Variants in SSH2 observed in about 807,000 individuals in gnomAD.
SSH2 encodes protein phosphatase Slingshot homolog 2.
SSH2 carries 37 observed loss-of-function variants against 135.2 expected under a neutral mutation model. That is an observed-to-expected ratio of 0.27 (90% CI 0.21 to 0.36). SSH2 has a LOEUF of 0.36. Among genes scored for constraint, SSH2 ranks in the 10% least tolerant of loss-of-function variants. The pLI is 1.00. For synonymous variants in SSH2, 628 were observed against 646.2 expected, an observed-to-expected ratio of 0.97 and a Z score of 0.43; for missense variants, 1,408 against 1,765.3, an observed-to-expected ratio of 0.80 and a Z score of 3.63.
chr17:29,763,029 ATATT>A (rs2041359754), intron 3 of SSH2, among the ~76,000 whole-genome samples: 1 of 152,216 alleles, frequency 6.6e-6, no homozygotes, highest in Non-Finnish European at 1.5e-5. Flanking sequence ...TTTTATATAA[ATATT>A]TATGCTCTTT....
intron 3 of SSH2, among the ~76,000 whole-genome samples, chr17:29,709,033 G>GAGAGAC (rs1555617843): frequency 6.9e-6 from 1 of 145,540 alleles, no homozygotes; most frequent in Non-Finnish European, 1.5e-5. Context: ...GAGAGAGAGA[G>GAGAGAC]AGAGAGAGAG....
chr17:29,663,522 T>G (rs1373234437), intron 11 of SSH2, among the ~76,000 whole-genome samples: 1 of 152,216 alleles, frequency 6.6e-6, no homozygotes, highest in East Asian at 1.9e-4. Flanking sequence ...TTTACTTTGT[T>G]AAGTAGGATT....
chr17:29,812,648 T>C (rs1735873508), intron 2 of SSH2, among the ~76,000 whole-genome samples: 1 of 152,206 alleles, frequency 6.6e-6, no homozygotes, highest in Admixed American at 6.5e-5. Context: ...CCCAGCACTT[T>C]GGGACACCGA....
intron 4 of SSH2, among the ~76,000 whole-genome samples, chr17:29,702,650 A>G (rs1444127867): frequency 1.3e-5 from 2 of 152,194 alleles, no homozygotes; most frequent in African/African-American, 4.8e-5. Context: ...GCGAAACTCC[A>G]TCTCAAAAAA....
intron 1 of SSH2, among the ~76,000 whole-genome samples, chr17:29,884,406 T>C (rs1173035582): frequency 6.6e-6 from 1 of 152,210 alleles, no homozygotes; most frequent in Non-Finnish European, 1.5e-5. Flanking sequence ...ACCCCTTACA[T>C]ATGGGGGCTT....
At chr17:29,820,585 C>G (rs1242414956) in intron 2 of SSH2, among the ~76,000 whole-genome samples, 1 of 152,178 alleles carries the variant, frequency 6.6e-6, no homozygotes, top group African/African-American at 2.4e-5. Context: ...TGACAGCATA[C>G]CCCATGTCTA....
chr17:29,675,273 T>C (rs930304603), intron 8 of SSH2, among the ~76,000 whole-genome samples: 5 of 152,138 alleles, frequency 3.3e-5, no homozygotes, highest in African/African-American at 7.2e-5. Context: ...CTCCATCCTA[T>C]CAATTCTGTT....
At chr17:29,642,493 T>C (rs2036204353) in intron 14 of SSH2, among the ~76,000 whole-genome samples, 1 of 151,952 alleles carries the variant, frequency 6.6e-6, no homozygotes, top group Non-Finnish European at 1.5e-5. Flanking sequence ...ACCTGCATGA[T>C]CAGAGTGCAG....
intron 13 of SSH2, among the ~76,000 whole-genome samples, chr17:29,648,675 G>A (rs2036474554): frequency 6.6e-6 from 1 of 152,242 alleles, no homozygotes; most frequent in Non-Finnish European, 1.5e-5. Flanking sequence ...CTAAAGGATA[G>A]GATTCAGTGG....
intron 1 of SSH2, chr17:29,928,696 C>A: frequency 2.5e-6 from 1 of 395,888 alleles, no homozygotes; most frequent in South Asian, 1.4e-4. Context: ...AAACCACAAC[C>A]ATACACAACA....
intron 3 of SSH2, among the ~76,000 whole-genome samples, chr17:29,767,739 T>C (rs2041481434): frequency 6.6e-6 from 1 of 152,116 alleles, no homozygotes; most frequent in African/African-American, 2.4e-5. Context: ...TCTCCCTCAT[T>C]CTTTTAAAGG....
At chr17:29,780,004 G>T (rs1440006685) in intron 3 of SSH2, among the ~76,000 whole-genome samples, 1 of 151,732 alleles carries the variant, frequency 6.6e-6, no homozygotes, top group Non-Finnish European at 1.5e-5. Context: ...ATCACCTGAG[G>T]TCAGTTGTTC....
chr17:29,848,299 G>A (rs371845357), intron 2 of SSH2, among the ~76,000 whole-genome samples: 1 of 152,166 alleles, frequency 6.6e-6, no homozygotes, highest in South Asian at 2.1e-4. Context: ...GATGGGATAA[G>A]TAAAATTTAT....
intron 1 of SSH2, 200 bp downstream of exon 1, chr17:29,929,738 G>A (rs978477906): frequency 1.3e-5 from 8 of 607,522 alleles, no homozygotes; most frequent in African/African-American, 1.3e-4. Context: ...AGGTGCTCAG[G>A]GTGATGGGGG....
At chr17:29,755,724 C>G (rs2041092782) in intron 3 of SSH2, among the ~76,000 whole-genome samples, 3 of 150,050 alleles carry the variant, frequency 2.0e-5, no homozygotes, top group Admixed American at 1.3e-4. Flanking sequence ...TGCAGTGGCA[C>G]GATTTCGGCT....
At chr17:29,807,832 C>CTTTTTT (rs58284055) in intron 2 of SSH2, among the ~76,000 whole-genome samples, 20 of 94,392 alleles carry the variant, frequency 2.1e-4, no homozygotes, top group African/African-American at 7.3e-4. Flanking sequence ...GTTTTGATGG[C>CTTTTTT]TTTTTTTTTT....
chr17:29,812,706 C>A (rs1274565281), intron 2 of SSH2, among the ~76,000 whole-genome samples: 1 of 152,076 alleles, frequency 6.6e-6, no homozygotes, highest in East Asian at 1.9e-4. Context: ...CTGGCTAACA[C>A]GGTGAAACCC....
At chr17:29,809,934 C>T (rs1015445067) in intron 2 of SSH2, among the ~76,000 whole-genome samples, 2 of 152,076 alleles carry the variant, frequency 1.3e-5, no homozygotes, top group Admixed American at 6.6e-5. Flanking sequence ...CTGGGTTCCA[C>T]GGTCTTTCCA....
intron 3 of SSH2, among the ~76,000 whole-genome samples, chr17:29,788,643 CCTCCCTCT>C (rs1599001002): frequency 1.3e-5 from 2 of 150,324 alleles, no homozygotes; most frequent in Admixed American, 6.7e-5. Context: ...TCCCTTCCTC[CCTCCCTCT>C]CTCCCTCTCT....
Sources: gnomAD v4.1 joint callset for allele counts (sites outside exome capture counted in the v4.1 genomes callset) on GRCh38, gnomAD v4.1.1 for gene constraint, MANE v1.5 for transcripts, NCBI Gene and HGNC (gene_info 2026-07-23, HGNC 2026-07-21) for gene names.